The following MTA3 variants were observed in gnomAD, a reference collection of about 807,000 sequenced individuals.
The protein encoded by MTA3 is metastasis associated 1 family member 3.
In MTA3, 34 loss-of-function variants were observed where a neutral mutation model predicts 83.5. The observed-to-expected ratio is 0.41, with a 90% confidence interval of 0.31 to 0.54. The LOEUF (loss-of-function observed/expected upper bound fraction) is 0.54. Among genes scored for constraint, MTA3 ranks in the 20% least tolerant of loss-of-function variants. The pLI is 0.33. For synonymous variants in MTA3, 303 were observed against 252.7 expected (o/e 1.20, Z -1.89); for missense variants, 761 against 726.4 (o/e 1.05, Z -0.55).
In MTA3 at chr2:42,755,282, G is replaced by A; in HGVS notation, c.*1883G>A. On this transcript the variant is annotated 3_prime_UTR_variant, in exon 17 of 17. Coordinates refer to ENST00000405094, the MANE Select transcript of MTA3 (RefSeq NM_001330442.2). ...TTTCTCTCTGAACCCCTACTAAGTG[G>A]TGACTGCAGATTCTGGAAACAATTA... is the stretch of plus-strand genomic sequence containing the variant. 1.7e-5 allele frequency: 17 copies of A among 985,414 alleles called. No individual in the cohort carries two copies. Among genetic ancestry groups the A allele is most frequent in the Non-Finnish European group, 2.0e-5 (17 of 829,960 alleles). 61.0% of individuals were successfully genotyped at this position (985,414 alleles called of 1,614,324 possible).
intron 8 of MTA3, among the ~76,000 whole-genome samples, chr2:42,661,059 C>T (rs889567461): frequency 6.6e-6 from 1 of 152,184 alleles, no homozygotes; most frequent in South Asian, 2.1e-4. Flanking sequence ...CTTGCCTTTT[C>T]CTTTCTCAAA....
intron 6 of MTA3, among the ~76,000 whole-genome samples, chr2:42,655,531 G>T (rs1428829557): frequency 6.6e-6 from 1 of 152,212 alleles, no homozygotes; most frequent in East Asian, 1.9e-4. Context: ...GTTAATATGT[G>T]TCTCTTATTC....
chr2:42,733,411 C>A (rs1229757407), intron 16 of MTA3, among the ~76,000 whole-genome samples: 1 of 152,170 alleles, frequency 6.6e-6, no homozygotes, highest in Non-Finnish European at 1.5e-5. Flanking sequence ...CCTCTGGGTC[C>A]CTACCACAAC....
chr2:42,611,127 A>G (rs1286021924), intron 4 of MTA3, among the ~76,000 whole-genome samples: 2 of 151,510 alleles, frequency 1.3e-5, no homozygotes, highest in Non-Finnish European at 2.9e-5. Context: ...GATTACAGGC[A>G]CATGCCACCA....
At chr2:42,614,649 C>G (rs199764858) in intron 4 of MTA3, among the ~76,000 whole-genome samples, 1 of 145,062 alleles carries the variant, frequency 6.9e-6, no homozygotes, top group Non-Finnish European at 1.5e-5. Context: ...TTATATATAA[C>G]TCGTGTAATA....
At chr2:42,640,049 A>G (rs916208551) in intron 4 of MTA3, 124 bp from the exon 5 acceptor site, 3 of 665,350 alleles carry the variant, frequency 4.5e-6, no homozygotes, top group Non-Finnish European at 2.5e-6. Flanking sequence ...GTTTGAAAAA[A>G]TATATATTCC....
chr2:42,720,205 C>T (rs899555509), intron 15 of MTA3, among the ~76,000 whole-genome samples: 4 of 149,450 alleles, frequency 2.7e-5, no homozygotes, highest in East Asian at 1.9e-4. Flanking sequence ...TTTTTTGAGA[C>T]GGAATCTCAC....
intron 9 of MTA3, among the ~76,000 whole-genome samples, chr2:42,694,437 C>T (rs141963440): frequency 4.6e-5 from 7 of 152,124 alleles, no homozygotes; most frequent in African/African-American, 9.6e-5. Context: ...AAGTTCCAAC[C>T]GATAGGATAG....
Position 42,708,938 on chromosome 2 carries a change from G to A in MTA3, c.1367G>A (p.Gly456Glu). 1 of 1,613,962 alleles carries A rather than the reference G, an allele frequency of 6.2e-7. No individual in the cohort carries two copies. Among genetic ancestry groups the A allele is most frequent in the African/African-American group, 1.3e-5 (1 of 75,028 alleles). Residue 456 changes from glycine (G) to glutamate (E), a missense_variant, in exon 14 of 17, where the codon GGG becomes GAG. Transcript: ENST00000405094. ...AMQGMPVRNT[G>E]SPKSAVKTRQ... ...CAGGGAATGCCAGTCCGAAACACTGGGAGTCCAAAGTCTGCAGTGAAGACC... is the reference window on the plus strand; with the variant it reads ...CAGGGAATGCCAGTCCGAAACACTGAGAGTCCAAAGTCTGCAGTGAAGACC...
At chr2:42,551,991 G>A (rs910738326) in intron 2 of MTA3, among the ~76,000 whole-genome samples, 1 of 152,134 alleles carries the variant, frequency 6.6e-6, no homozygotes, top group Non-Finnish European at 1.5e-5. Context: ...CTCCCAAAGT[G>A]CTGGGATTAC....
intron 9 of MTA3, among the ~76,000 whole-genome samples, chr2:42,693,367 C>T (rs1693088806): frequency 6.6e-6 from 1 of 152,190 alleles, no homozygotes. Context: ...GAGATGCTGT[C>T]TGAGAACCAG....
upstream of MTA3, among the ~76,000 whole-genome samples, chr2:42,564,247 T>C (rs1480427161): frequency 6.6e-6 from 1 of 152,208 alleles, no homozygotes; most frequent in Non-Finnish European, 1.5e-5. Context: ...CTAAAGGTAA[T>C]GTTACTAGAG....
At chr2:42,701,444 A>G (rs1264471105) in intron 11 of MTA3, among the ~76,000 whole-genome samples, 1 of 138,820 alleles carries the variant, frequency 7.2e-6, no homozygotes, top group Non-Finnish European at 1.6e-5. Context: ...AAAAAAGTAA[A>G]TAAAGAGCCA....
chr2:42,731,745 C>G (rs894040176), intron 16 of MTA3, among the ~76,000 whole-genome samples: 1 of 152,138 alleles, frequency 6.6e-6, no homozygotes, highest in African/African-American at 2.4e-5. Flanking sequence ...CAACAGTCCC[C>G]CAAAGTCTTA....
chr2:42,510,195 A>T (rs1370115380), intron 2 of MTA3, among the ~76,000 whole-genome samples: 1 of 151,890 alleles, frequency 6.6e-6, no homozygotes, highest in African/African-American at 2.4e-5. Context: ...GCATGGTGGC[A>T]CAGGCCTGTA....
intron 4 of MTA3, among the ~76,000 whole-genome samples, chr2:42,635,663 T>A (rs1687118597): frequency 6.6e-6 from 1 of 152,102 alleles, no homozygotes; most frequent in Non-Finnish European, 1.5e-5. Flanking sequence ...GTGGCAAATG[T>A]AAGACTTGTA....
chr2:42,605,655 G>A (rs1355180601), intron 3 of MTA3, among the ~76,000 whole-genome samples: 3 of 113,376 alleles, frequency 2.6e-5, no homozygotes, highest in Admixed American at 8.0e-5. Flanking sequence ...GCGGCTGGCC[G>A]GGCGGGGGGC....
intron 2 of MTA3, among the ~76,000 whole-genome samples, chr2:42,521,340 G>A (rs1039733599): frequency 1.9e-4 from 29 of 152,162 alleles, no homozygotes; most frequent in Non-Finnish European, 3.4e-4. Flanking sequence ...CTTGGAAGCA[G>A]ACCCCACCCC....
chr2:42,540,737 A>G (rs1334672952), intron 2 of MTA3, among the ~76,000 whole-genome samples: 1 of 151,380 alleles, frequency 6.6e-6, no homozygotes, highest in Non-Finnish European at 1.5e-5. Flanking sequence ...TGGAAGGCTG[A>G]GGTAGAAGAA....
Sources: gnomAD v4.1 joint callset for allele counts (sites outside exome capture counted in the v4.1 genomes callset) on GRCh38, gnomAD v4.1.1 for gene constraint, MANE v1.5 for transcripts, NCBI Gene and HGNC (gene_info 2026-07-23, HGNC 2026-07-21) for gene names.